The following ROPN1 variants were observed in gnomAD, a reference collection of about 807,000 sequenced individuals.
The protein encoded by ROPN1 is rhophilin associated tail protein 1.
In ROPN1, 14 loss-of-function variants were observed where a neutral mutation model predicts 20.5. The observed-to-expected ratio is 0.68, with a 90% confidence interval of 0.45 to 1.07. ROPN1 has a LOEUF of 1.07. Ranked by LOEUF, ROPN1 falls within the 50% of genes least tolerant of loss-of-function variation. The pLI, the probability that ROPN1 is intolerant of heterozygous loss-of-function variation, is 0.00. For synonymous variants in ROPN1, 76 were observed against 95.7 expected (o/e 0.79, Z 1.20); for missense variants, 169 against 242.8 (o/e 0.70, Z 2.02).
chr3:123,972,157 A>G lies in ROPN1; in HGVS notation c.397-1940T>C, dbSNP rs562863222. On this transcript the variant is annotated intron_variant, in intron 4 of 5. Coordinates refer to ENST00000405845, the MANE Select transcript of ROPN1 (RefSeq NM_001317774.2). Reference sequence around the variant, plus strand: ...CACCAAGTCATGGCAACAAACTAACATAGCGGCTTTCAACCCTAAACATCA... The same window carrying G: ...CACCAAGTCATGGCAACAAACTAACGTAGCGGCTTTCAACCCTAAACATCA... 5.3e-5 allele frequency among the ~76,000 whole-genome samples: 8 copies of G among 152,350 alleles called. No homozygotes were observed. In the East Asian group the frequency reaches 1.3e-3, roughly 26 times the overall value.
intron 4 of ROPN1, among the ~76,000 whole-genome samples, chr3:123,973,347 A>C (rs571449448): frequency 1.3e-5 from 2 of 152,196 alleles, no homozygotes; most frequent in South Asian, 4.2e-4. Flanking sequence ...ATGAGGAGCA[A>C]AGTCAGATAT....
At chr3:123,969,850 G>A (rs2148988830) in intron 5 of ROPN1, among the ~76,000 whole-genome samples, 192 bp downstream of exon 5, 1 of 152,282 alleles carries the variant, frequency 6.6e-6, no homozygotes, top group Middle Eastern at 3.4e-3. Flanking sequence ...TGAAAGAATT[G>A]TTTTCCTATA....
rs565180098 is a variant in ROPN1 at position 123,976,579 on chromosome 3, T to G, written c.234+285A>C. On this transcript the variant is annotated intron_variant, in intron 3 of 5. Coordinates refer to ENST00000405845, the MANE Select transcript of ROPN1 (RefSeq NM_001317774.2). ...AGACACTGTCCAGTGACTGAGGACT[T>G]GCACTTTTCTGGAGAGACGAGATTA... Among the ~76,000 whole-genome samples, 3 of 152,332 alleles carry G rather than the reference T, an allele frequency of 2.0e-5. No individual in the cohort carries two copies. In the South Asian group the frequency reaches 6.2e-4, roughly 32 times the overall value.
intron 4 of ROPN1, among the ~76,000 whole-genome samples, chr3:123,972,692 T>C (rs1057462024): frequency 6.6e-6 from 1 of 152,212 alleles, no homozygotes; most frequent in African/African-American, 2.4e-5. Flanking sequence ...AAAATTCCTG[T>C]TACTAGATCT....
At chr3:123,969,685 G>C (rs560129071) in intron 5 of ROPN1, among the ~76,000 whole-genome samples, 1 of 152,096 alleles carries the variant, frequency 6.6e-6, no homozygotes, top group East Asian at 1.9e-4. Flanking sequence ...ATAGCTAAGC[G>C]TGAGTCAGAG....
intron 1 of ROPN1, among the ~76,000 whole-genome samples, chr3:123,989,956 T>G (rs1398928178): frequency 6.6e-6 from 1 of 152,222 alleles, no homozygotes; most frequent in East Asian, 1.9e-4. Flanking sequence ...CCTGACATAT[T>G]AGCCAATCCT....
chr3:123,971,809 A>G (rs891331809), intron 4 of ROPN1, among the ~76,000 whole-genome samples: 7 of 152,182 alleles, frequency 4.6e-5, no homozygotes, highest in Non-Finnish European at 8.8e-5. Flanking sequence ...GCCCTCTCCC[A>G]TGGGGTGCTG....
intron 5 of ROPN1, 67 bp downstream of exon 5, chr3:123,969,975 C>A: frequency 9.3e-6 from 14 of 1,501,058 alleles, no homozygotes; most frequent in Middle Eastern, 1.7e-4. Context: ...AATAATCTCA[C>A]TATCTTGGCC....
At chr3:123,974,127 C>T (rs1463567463) in intron 4 of ROPN1, among the ~76,000 whole-genome samples, 1 of 152,104 alleles carries the variant, frequency 6.6e-6, no homozygotes, top group Non-Finnish European at 1.5e-5. Context: ...TCTTATTTGA[C>T]CCTTTGTGGG....
rs745864671 is a variant in ROPN1 at position 123,976,907 on chromosome 3, C to T, written c.191G>A (p.Arg64Gln). 25 of 1,593,092 alleles carry T rather than the reference C, an allele frequency of 1.6e-5. No homozygotes were observed. The highest frequency in any genetic ancestry group is 1.7e-4 in the Middle Eastern group (1 of 5,994). The change falls in exon 3 of 6, where the codon CGG becomes CAG. Residue 64 changes from arginine to glutamine, a missense_variant. Physicochemically the swap from Arg to Gln is conservative, Grantham distance 43. Coordinates refer to ENST00000405845, the MANE Select transcript of ROPN1 (RefSeq NM_001317774.2). ...TAACAGCTCAGGTGTTAGCTCTGCC[C>T]GGTTACACAAAGCGACTCGCTCAGA... ...ERSERVALCNRAELTPELLKI... is the reference protein window; with the variant it reads ...ERSERVALCNQAELTPELLKI...
At chr3:123,976,733 C>T (rs778625688) in intron 3 of ROPN1, 131 bp downstream of exon 3, 26 of 791,150 alleles carry the variant, frequency 3.3e-5, no homozygotes, top group Admixed American at 1.2e-4. Context: ...TTTCAGTCCA[C>T]GGTTTAGTGT....
chr3:123,978,640 A>AGG (rs2038073410), intron 2 of ROPN1: 1 of 153,748 alleles, frequency 6.5e-6, no homozygotes, highest in African/African-American at 2.4e-5. Context: ...ACACATATGT[A>AGG]GGGAAATTCT....
At chr3:123,987,314 G>A (rs1254959932) in intron 1 of ROPN1, among the ~76,000 whole-genome samples, 1 of 152,160 alleles carries the variant, frequency 6.6e-6, no homozygotes, top group African/African-American at 2.4e-5. Flanking sequence ...TTCAGTGTAT[G>A]GTAGCCTGTA....
At chr3:123,975,962 G>T (rs551389323) in intron 3 of ROPN1, among the ~76,000 whole-genome samples, 1 of 152,134 alleles carries the variant, frequency 6.6e-6, no homozygotes, top group African/African-American at 2.4e-5. Flanking sequence ...GTTTCTTCCC[G>T]ATTGCACTGA....
chr3:123,972,385 A>C (rs1189530720), intron 4 of ROPN1, among the ~76,000 whole-genome samples: 1 of 152,234 alleles, frequency 6.6e-6, no homozygotes, highest in Non-Finnish European at 1.5e-5. Context: ...CACAGACATA[A>C]TCTTTAAGCA....
intron 1 of ROPN1, among the ~76,000 whole-genome samples, chr3:123,981,872 G>A (rs2038155893): frequency 6.6e-6 from 1 of 152,096 alleles, no homozygotes; most frequent in South Asian, 2.1e-4. Context: ...AATCTGTAGA[G>A]AGGAAAAAAG....
chr3:123,974,385 A>G (rs2037974361), intron 4 of ROPN1, among the ~76,000 whole-genome samples: 1 of 152,218 alleles, frequency 6.6e-6, no homozygotes, highest in Non-Finnish European at 1.5e-5. Flanking sequence ...AATGCTATAA[A>G]GGACAATGAA....
intron 1 of ROPN1, among the ~76,000 whole-genome samples, chr3:123,981,934 A>G (rs1252333343): frequency 1.3e-5 from 2 of 152,222 alleles, no homozygotes; most frequent in African/African-American, 4.8e-5. Flanking sequence ...TCATCAGTCA[A>G]AAAGAAGGCA....
chr3:123,985,870 G>A (rs951179441), intron 1 of ROPN1, among the ~76,000 whole-genome samples: 1 of 150,834 alleles, frequency 6.6e-6, no homozygotes, highest in Admixed American at 6.6e-5. Context: ...AAATTAGCCG[G>A]GCATGGTGGC....
Sources: allele counts gnomAD v4.1 joint callset (sites outside exome capture counted in the v4.1 genomes callset), GRCh38; gene constraint gnomAD v4.1.1; transcripts MANE v1.5; gene names NCBI Gene and HGNC (gene_info 2026-07-23, HGNC 2026-07-21).